CTIF: variants seen among roughly 807,000 people sequenced by gnomAD.
CTIF encodes the protein cap binding complex dependent translation initiation factor, also known as CBP80/20-dependent translation initiation factor.
A neutral mutation model predicts 66.0 loss-of-function variants in CTIF; 21 were observed. That is an observed-to-expected ratio of 0.32 (90% CI 0.23 to 0.46). The LOEUF is 0.46. Among genes scored for constraint, CTIF ranks in the 20% least tolerant of loss-of-function variants. The pLI is 1.00. For missense variants in CTIF, 739 were observed against 812.7 expected (o/e 0.91, Z 1.10); for synonymous variants, 345 against 326.4 (o/e 1.06, Z -0.62).
intron 1 of CTIF, among the ~76,000 whole-genome samples, chr18:48,607,481 C>T (rs1276886799): frequency 6.6e-6 from 1 of 152,222 alleles, no homozygotes; most frequent in Non-Finnish European, 1.5e-5. Flanking sequence ...CCAAGGTGGG[C>T]AGAGCATTTG....
At chr18:48,588,901 GCCACAC>G (rs202025114) in intron 1 of CTIF, among the ~76,000 whole-genome samples, 10,319 of 152,176 alleles carry the variant, frequency 0.068, 395 homozygotes, top group African/African-American at 0.1. Context: ...CACCTCCTCA[GCCACAC>G]AGTGGCTGAG....
chr18:48,786,737 G>T (rs1911744291), intron 9 of CTIF, among the ~76,000 whole-genome samples: 1 of 152,138 alleles, frequency 6.6e-6, no homozygotes, highest in Admixed American at 6.5e-5. Flanking sequence ...CTGGGGTATG[G>T]AGTCCACACC....
intron 1 of CTIF, among the ~76,000 whole-genome samples, chr18:48,556,154 G>T (rs1206734101): frequency 2.0e-5 from 3 of 152,226 alleles, no homozygotes; most frequent in African/African-American, 7.2e-5. Flanking sequence ...ATCGTGAAGG[G>T]TGGGTGGTGA....
chr18:48,757,835 C>T (rs1011273532), intron 7 of CTIF, 84 bp from the exon 8 acceptor site: 2 of 1,505,836 alleles, frequency 1.3e-6, no homozygotes, highest in African/African-American at 2.8e-5. Context: ...AAGGCAATGA[C>T]TTCCTGTTCT....
At chr18:48,654,058 AG>A (rs1343719238) in intron 3 of CTIF, among the ~76,000 whole-genome samples, 4 of 152,244 alleles carry the variant, frequency 2.6e-5, no homozygotes, top group Admixed American at 1.3e-4. Flanking sequence ...TTCAGGACAT[AG>A]GCATGGGCAA....
rs183787019 is a variant in CTIF at position 48,670,401 on chromosome 18, C to G, written c.432-268C>G. Among the ~76,000 whole-genome samples the G allele has an allele frequency of 2.7e-3, 417 of 152,270 alleles. 1 individual carries two copies. The highest frequency in any genetic ancestry group is 4.3e-3 in the Non-Finnish European group (291 of 68,016). On this transcript the variant is annotated intron_variant, in intron 5 of 11. Transcript: ENST00000256413. The stretch of plus-strand genomic sequence containing the variant: ...GACAGGAGTTGTGATGAGTAAGGAG[C>G]TTAGCTTCTCTGCCTGGAAGGAGCA...
At chr18:48,830,433 G>A (rs1163628456) in intron 10 of CTIF, among the ~76,000 whole-genome samples, 3 of 152,120 alleles carry the variant, frequency 2.0e-5, no homozygotes, top group African/African-American at 7.2e-5. Context: ...CAAGGTGCTG[G>A]GATTACAGGC....
chr18:48,841,546 C>G (rs1326536041), intron 10 of CTIF, among the ~76,000 whole-genome samples: 1 of 152,238 alleles, frequency 6.6e-6, no homozygotes, highest in African/African-American at 2.4e-5. Context: ...CTGGCCTGTC[C>G]GCCCCTGGCA....
intron 1 of CTIF, among the ~76,000 whole-genome samples, chr18:48,543,805 C>G (rs2088682527): frequency 6.6e-6 from 1 of 152,176 alleles, no homozygotes; most frequent in Non-Finnish European, 1.5e-5. Flanking sequence ...AAGTTAGGTT[C>G]TTCCCAAAGA....
intron 10 of CTIF, among the ~76,000 whole-genome samples, chr18:48,832,740 G>A (rs1037267123): frequency 6.6e-6 from 1 of 152,228 alleles, no homozygotes; most frequent in Non-Finnish European, 1.5e-5. Flanking sequence ...GCTGAATCTG[G>A]TTTCCCAGGG....
chr18:48,859,461 C>T lies in CTIF; in HGVS notation c.1699C>T (p.Leu567Phe). 1 of 1,614,198 alleles carries T rather than the reference C, an allele frequency of 6.2e-7. No homozygotes were observed. The highest frequency in any genetic ancestry group is 8.5e-7 in the Non-Finnish European group (1 of 1,180,022). The change falls in exon 12 of 12, where the codon CTC (leucine) becomes TTC (phenylalanine). Residue 567 changes from leucine to phenylalanine, a missense_variant. By Grantham distance (22) the Leu-to-Phe change is conservative. Transcript: ENST00000256413. ...GGAGTCCATGCTGACCCGGTCGCTG[C>T]TCCTAGAGGTCATCGAGCTCCACGC... ...PSESMLTRSL[L>F]LEVIELHANS...
Position 48,601,418 on chromosome 18 carries a change from G to A in CTIF, c.-28-18120G>A, listed in dbSNP as rs1051413345. Among the ~76,000 whole-genome samples, 17 of 152,212 alleles carry A rather than the reference G, an allele frequency of 1.1e-4. No individual in the cohort carries two copies. In the East Asian group the frequency reaches 3.3e-3, roughly 29 times the overall value. On this transcript the variant is annotated intron_variant, in intron 1 of 11. Transcript: ENST00000256413. ...TTTTAACACTGGGTTTGGCAAGGGC[G>A]TTGCCAGACTTTCTCATAGGCGATC... is the stretch of plus-strand genomic sequence containing the variant.
At chr18:48,574,985 G>A (rs530920388) in intron 1 of CTIF, among the ~76,000 whole-genome samples, 15 of 152,338 alleles carry the variant, frequency 9.8e-5, no homozygotes, top group African/African-American at 3.4e-4. Context: ...AAGAGTAATA[G>A]TGATGACAGG....
At chr18:48,793,814 A>G (rs187336812) in intron 9 of CTIF, among the ~76,000 whole-genome samples, 3 of 152,228 alleles carry the variant, frequency 2.0e-5, no homozygotes, top group Non-Finnish European at 2.9e-5. Flanking sequence ...CTTGAGTGCC[A>G]TTTCCCCAGG....
At chr18:48,671,067 G>T (rs1026190253) in intron 6 of CTIF, among the ~76,000 whole-genome samples, 1 of 152,208 alleles carries the variant, frequency 6.6e-6, no homozygotes, top group African/African-American at 2.4e-5. Context: ...CTCTCTGCAG[G>T]TGAAGTGTCC....
intron 9 of CTIF, among the ~76,000 whole-genome samples, chr18:48,768,140 T>A (rs745783709): frequency 6.6e-6 from 1 of 152,210 alleles, no homozygotes; most frequent in Non-Finnish European, 1.5e-5. Context: ...TCTCTTGTGA[T>A]TCTCTCAAGG....
intron 6 of CTIF, among the ~76,000 whole-genome samples, chr18:48,707,061 G>C (rs1359389737): frequency 1.3e-5 from 2 of 152,192 alleles, no homozygotes; most frequent in Non-Finnish European, 2.9e-5. Flanking sequence ...AGACCAGACA[G>C]CCAAAAAGCC....
chr18:48,737,581 G>C (rs1278569244), intron 7 of CTIF, among the ~76,000 whole-genome samples: 1 of 151,312 alleles, frequency 6.6e-6, no homozygotes, highest in Non-Finnish European at 1.5e-5. Flanking sequence ...AAAATCAAAA[G>C]CAGAAGGAAA....
intron 7 of CTIF, among the ~76,000 whole-genome samples, chr18:48,724,744 G>A (rs937456976): frequency 5.3e-5 from 8 of 152,342 alleles, no homozygotes; most frequent in South Asian, 2.1e-4. Flanking sequence ...GCAGAGGGCC[G>A]GAGAGCATCC....
Sources: allele counts gnomAD v4.1 joint callset (sites outside exome capture counted in the v4.1 genomes callset), GRCh38; gene constraint gnomAD v4.1.1; transcripts MANE v1.5; gene names NCBI Gene and HGNC (gene_info 2026-07-23, HGNC 2026-07-21).